The following MBNL2 variants were observed in gnomAD, a reference collection of about 807,000 sequenced individuals.
MBNL2 encodes the protein muscleblind like splicing regulator 2, also known as muscleblind-like protein 2.
A neutral mutation model predicts 41.9 loss-of-function variants in MBNL2; 17 were observed. The observed-to-expected ratio is 0.41, with a 90% confidence interval of 0.28 to 0.61. The LOEUF (loss-of-function observed/expected upper bound fraction) is 0.61, where lower values mean the gene tolerates loss of function less well. Among genes scored for constraint, MBNL2 ranks in the 20% least tolerant of loss-of-function variants. MBNL2 has a pLI of 0.35. For synonymous variants in MBNL2, 195 were observed against 182.9 expected (o/e 1.07, Z -0.53); for missense variants, 336 against 505.6 (o/e 0.66, Z 3.22).
the MBNL2 span, among the ~76,000 whole-genome samples, chr13:97,173,342 GGTCACT>G: frequency 6.6e-6 from 1 of 152,202 alleles, no homozygotes; most frequent in Admixed American, 6.5e-5. Context: ...ATATGGACTA[GGTCACT>G]GTCTTCTCTA....
intron 2 of MBNL2, among the ~76,000 whole-genome samples, chr13:97,326,231 A>G (rs1556086): frequency 0.15 from 22,943 of 152,208 alleles, 2,600 homozygotes; most frequent in African/African-American, 0.31. Context: ...CTAAACCCGT[A>G]GCAATTGGTG....
At chr13:97,261,604 C>T (rs1594110909) in intron 1 of MBNL2, among the ~76,000 whole-genome samples, 1 of 152,326 alleles carries the variant, frequency 6.6e-6, no homozygotes, top group Middle Eastern at 3.4e-3. Flanking sequence ...AGTTGTGCCT[C>T]CTGGGCCACT....
At chr13:97,373,605 A>AATATAT (rs35049420) in intron 8 of MBNL2, among the ~76,000 whole-genome samples, 23,911 of 145,196 alleles carry the variant, frequency 0.16, 2,218 homozygotes, top group Admixed American at 0.21. Context: ...GTATGCTAAA[A>AATATAT]ATATATATAT....
At chr13:97,355,450 AT>A (rs1303800244) in intron 5 of MBNL2, among the ~76,000 whole-genome samples, 1 of 152,152 alleles carries the variant, frequency 6.6e-6, no homozygotes, top group Non-Finnish European at 1.5e-5. Flanking sequence ...ACAAAGTTCT[AT>A]TTCAGAACTT....
At chr13:97,372,420 C>T (rs2064473371) in intron 8 of MBNL2, among the ~76,000 whole-genome samples, 1 of 151,968 alleles carries the variant, frequency 6.6e-6, no homozygotes, top group South Asian at 2.1e-4. Flanking sequence ...GGTCTTACCA[C>T]ATCTTCTGAA....
At chr13:97,388,302 T>TATAC (rs1199040165) in intron 8 of MBNL2, among the ~76,000 whole-genome samples, 16 of 89,578 alleles carry the variant, frequency 1.8e-4, no homozygotes, top group African/African-American at 4.5e-4. Flanking sequence ...AGTTTATACA[T>TATAC]ATACATACAT....
At chr13:97,260,327 T>C (rs1192711273) in intron 1 of MBNL2, among the ~76,000 whole-genome samples, 1 of 152,188 alleles carries the variant, frequency 6.6e-6, no homozygotes, top group Non-Finnish European at 1.5e-5. Context: ...GAGGTCAGTG[T>C]AGGCCGTCAG....
intron 1 of MBNL2, among the ~76,000 whole-genome samples, chr13:97,248,184 G>A (rs111822851): frequency 6.6e-6 from 1 of 152,184 alleles, no homozygotes; most frequent in African/African-American, 2.4e-5. Context: ...CCAGGCTGGG[G>A]TGCAGTGGTG....
intron 1 of MBNL2, among the ~76,000 whole-genome samples, chr13:97,246,308 C>CAA (rs1450571274): frequency 1.4e-5 from 2 of 147,836 alleles, no homozygotes; most frequent in Non-Finnish European, 3.0e-5. Flanking sequence ...CACACACACA[C>CAA]ACCTATTTAT....
chr13:97,380,403 A>G (rs1594292781), intron 8 of MBNL2, among the ~76,000 whole-genome samples: 1 of 152,134 alleles, frequency 6.6e-6, no homozygotes, highest in African/African-American at 2.4e-5. Flanking sequence ...CTGAGACAGG[A>G]CAATCGCTTG....
chr13:97,385,611 T>TGACA (rs1341975890), intron 8 of MBNL2, among the ~76,000 whole-genome samples: 2 of 152,254 alleles, frequency 1.3e-5, no homozygotes, highest in Admixed American at 1.3e-4. Flanking sequence ...ATAACTCATC[T>TGACA]GACATCCTTG....
chr13:97,212,074 G>A, the MBNL2 span, among the ~76,000 whole-genome samples: 1 of 152,134 alleles, frequency 6.6e-6, no homozygotes, highest in Non-Finnish European at 1.5e-5. Flanking sequence ...TTTGAAGAAA[G>A]ACAGGCAGAA....
At chr13:97,323,377 G>A (rs552120085) in intron 2 of MBNL2, among the ~76,000 whole-genome samples, 78 of 152,270 alleles carry the variant, frequency 5.1e-4, no homozygotes, top group South Asian at 4.1e-3. Flanking sequence ...CTCAGTATTC[G>A]TGGATTCAAC....
At chr13:97,320,623 G>A (rs1403682224) in intron 2 of MBNL2, among the ~76,000 whole-genome samples, 1 of 152,020 alleles carries the variant, frequency 6.6e-6, no homozygotes, top group Non-Finnish European at 1.5e-5. Flanking sequence ...CTTAAAGATG[G>A]CCATCTTCGG....
the MBNL2 span, among the ~76,000 whole-genome samples, chr13:97,151,433 C>A: frequency 6.6e-6 from 1 of 152,090 alleles, no homozygotes; most frequent in East Asian, 1.9e-4. Flanking sequence ...TGGGAAAACA[C>A]CATACACAGC....
In MBNL2 at chr13:97,315,722, C is replaced by T. The variant is rs751724632; in HGVS notation, c.175-18554C>T. ...TTTTCCCAACTCCAACTGACCTCAG[C>T]ATGAAAAGAAAGCAGGGCTTGGACT... On this transcript the variant is annotated intron_variant, in intron 2 of 8. Coordinates refer to ENST00000679496, the MANE Select transcript of MBNL2 (RefSeq NM_001382683.1). Among the ~76,000 whole-genome samples, 4 of 152,120 alleles carry T rather than the reference C, an allele frequency of 2.6e-5. No individual in the cohort carries two copies. In the South Asian group the frequency reaches 8.3e-4, roughly 32 times the overall value.
At chr13:97,216,647 C>A (rs564593909), upstream of MBNL2, among the ~76,000 whole-genome samples, 15 of 152,234 alleles carry the variant, frequency 9.9e-5, no homozygotes, top group South Asian at 2.7e-3. Flanking sequence ...CTTTTCTATT[C>A]AAAGGGAGAC....
the MBNL2 span, among the ~76,000 whole-genome samples, chr13:97,191,107 T>C: frequency 3.3e-5 from 5 of 151,798 alleles, no homozygotes; most frequent in East Asian, 9.6e-4. Flanking sequence ...AAAAAAAGAG[T>C]TGTCACCAGC....
chr13:97,334,148 C>CCCCACACA lies in MBNL2; in HGVS notation c.175-127_175-126insCCACACAC, dbSNP rs1555315954. ...AACACATGAGCATGCGCGCGCACAC[C>CCCCACACA]CACACACACACACACACACACACAC... On this transcript the variant is annotated intron_variant, in intron 2 of 8. Coordinates refer to ENST00000679496, the MANE Select transcript of MBNL2 (RefSeq NM_001382683.1). This position sits in a 1 kb window ranked among gnomAD's most constrained non-coding sequence, Gnocchi z 5.3. 9 of 547,334 alleles carry CCCCACACA rather than the reference C, an allele frequency of 1.6e-5. No individual in the cohort carries two copies. Among genetic ancestry groups the CCCCACACA allele is most frequent in the Non-Finnish European group, 2.9e-5 (9 of 312,032 alleles). The allele number at this position is 547,334 out of a possible 1,614,324, so 33.9% of individuals were successfully genotyped here.
Sources: gnomAD v4.1 joint callset for allele counts (sites outside exome capture counted in the v4.1 genomes callset) on GRCh38, gnomAD v4.1.1 for gene constraint, Gnocchi (gnomAD v3.1) non-coding constraint, MANE v1.5 for transcripts, NCBI Gene and HGNC (gene_info 2026-07-23, HGNC 2026-07-21) for gene names.